STRN3: variants seen among roughly 807,000 people sequenced by gnomAD.
STRN3 encodes striatin 3.
A neutral mutation model predicts 95.6 loss-of-function variants in STRN3; 29 were observed. That is an observed-to-expected ratio of 0.30 (90% confidence interval 0.23 to 0.41). STRN3 has a LOEUF of 0.41. Ranked by LOEUF, STRN3 falls within the 10% of genes least tolerant of loss-of-function variation. STRN3 has a pLI of 1.00. For synonymous variants in STRN3, 331 were observed against 357.6 expected, an observed-to-expected ratio of 0.93 and a Z score of 0.84; for missense variants, 890 against 972.1, an observed-to-expected ratio of 0.92 and a Z score of 1.12.
intron 12 of STRN3, 111 bp from the exon 13 acceptor site, chr14:30,911,273 G>T: frequency 1.5e-5 from 14 of 952,180 alleles, no homozygotes; most frequent in Non-Finnish European, 1.8e-5. Context: ...TGTTTTAAGA[G>T]AACATGTACA....
chr14:30,950,407 G>A (rs929095279), intron 4 of STRN3, among the ~76,000 whole-genome samples: 2 of 152,136 alleles, frequency 1.3e-5, no homozygotes, highest in East Asian at 1.9e-4. Flanking sequence ...ATTTGCCAGA[G>A]AAATATTTCC....
chr14:30,929,979 A>C (rs868350940), intron 7 of STRN3, among the ~76,000 whole-genome samples: 3 of 147,388 alleles, frequency 2.0e-5, no homozygotes, highest in Admixed American at 6.8e-5. Flanking sequence ...AAAAAAAAAA[A>C]CTCAAATTCC....
At chr14:31,006,461 C>T (rs1309331723) in intron 1 of STRN3, among the ~76,000 whole-genome samples, 4 of 151,746 alleles carry the variant, frequency 2.6e-5, no homozygotes, top group East Asian at 1.9e-4. Context: ...TTTGGGAGGC[C>T]GGGGCAGGTG....
chr14:30,979,750 C>T (rs558237933), intron 1 of STRN3, among the ~76,000 whole-genome samples: 1 of 152,096 alleles, frequency 6.6e-6, no homozygotes, highest in East Asian at 2.0e-4. Flanking sequence ...CAGGTGCACA[C>T]CACCACACCC....
chr14:31,000,230 GA>G (rs1882380178), intron 1 of STRN3, among the ~76,000 whole-genome samples: 1 of 107,718 alleles, frequency 9.3e-6, no homozygotes, highest in Non-Finnish European at 1.7e-5. Context: ...AACTACAAAA[GA>G]TAGTATAAAC....
chr14:30,909,672 C>T (rs950668318), intron 13 of STRN3, among the ~76,000 whole-genome samples: 1 of 152,100 alleles, frequency 6.6e-6, no homozygotes, highest in Non-Finnish European at 1.5e-5. Context: ...GACATGAGGT[C>T]TCACTGTGTT....
intron 1 of STRN3, chr14:31,014,664 T>G: frequency 2.2e-6 from 1 of 456,734 alleles, no homozygotes; most frequent in Non-Finnish European, 4.5e-6. Context: ...TGTAATGCTA[T>G]CTCAAGGTAA....
At chr14:30,953,552 C>T (rs1257961664) in intron 3 of STRN3, among the ~76,000 whole-genome samples, 1 of 152,124 alleles carries the variant, frequency 6.6e-6, no homozygotes, top group Non-Finnish European at 1.5e-5. Flanking sequence ...AATAATGATG[C>T]TATGAAAATT....
rs1024507245 is a variant in STRN3 at position 31,018,514 on chromosome 14, C to T, written c.282+7390G>A. ...AGAGCTTCTCTAGGGAACTTGGATG[C>T]GAAACAACTATGGTAAAGGACATCC... On this transcript the variant is annotated intron_variant, in intron 1 of 17. Coordinates refer to ENST00000357479, the MANE Select transcript of STRN3 (RefSeq NM_001083893.2). 2.4e-5 allele frequency: 10 copies of T among 423,206 alleles called. No individual in the cohort carries two copies. In the East Asian group the frequency reaches 3.6e-4, roughly 15 times the overall value. The allele number at this position is 423,206 out of a possible 1,614,324, so 26.2% of individuals were successfully genotyped here. A position where few individuals can be genotyped will look rare whatever the true frequency, so the allele number is the denominator to read the frequency against.
chr14:30,949,727 T>C (rs547967370), intron 4 of STRN3, among the ~76,000 whole-genome samples: 32 of 152,082 alleles, frequency 2.1e-4, no homozygotes, highest in African/African-American at 6.5e-4. Flanking sequence ...GTTAAGGGAA[T>C]TGCCACCTGA....
At chr14:30,976,508 G>C (rs1271228017) in intron 1 of STRN3, among the ~76,000 whole-genome samples, 2 of 138,720 alleles carry the variant, frequency 1.4e-5, no homozygotes, top group Non-Finnish European at 3.2e-5. Context: ...CAACTGAACA[G>C]CATCATCAAT....
intron 1 of STRN3, among the ~76,000 whole-genome samples, chr14:30,983,585 G>T (rs1301202172): frequency 6.6e-6 from 1 of 152,160 alleles, no homozygotes; most frequent in African/African-American, 2.4e-5. Flanking sequence ...GTTTTTTCAT[G>T]TGTAAAGGGA....
intron 5 of STRN3, among the ~76,000 whole-genome samples, chr14:30,946,198 A>G (rs939065516): frequency 3.9e-5 from 6 of 152,218 alleles, no homozygotes; most frequent in African/African-American, 1.4e-4. Flanking sequence ...ACATGAAATC[A>G]GTCTCAAATC....
At chr14:30,961,830 C>T (rs1238668765) in intron 1 of STRN3, among the ~76,000 whole-genome samples, 1 of 152,210 alleles carries the variant, frequency 6.6e-6, no homozygotes, top group East Asian at 1.9e-4. Flanking sequence ...TGGCCTTGAA[C>T]TCCTGGCCTC....
chr14:30,929,220 C>T lies in STRN3; in HGVS notation c.1080G>A (p.Lys360=), dbSNP rs1766437576. ...KLKEQYKKER[K]GKKGVKRANR... ...ACTTACTCTTCACCCCTTTCTTCCCCTTTCGTTCCTTCTTGTACTGTTCCT... is the reference window on the plus strand; with the variant it reads ...ACTTACTCTTCACCCCTTTCTTCCCTTTTCGTTCCTTCTTGTACTGTTCCT... Residue 360 remains lysine, a synonymous_variant, in exon 8 of 18, where the codon AAG becomes AAA. Coordinates refer to ENST00000357479, the MANE Select transcript of STRN3 (RefSeq NM_001083893.2). 3 of 1,609,730 alleles carry T rather than the reference C, an allele frequency of 1.9e-6. No individual in the cohort carries two copies. Among genetic ancestry groups the T allele is most frequent in the East Asian group, 2.3e-5 (1 of 44,436 alleles).
intron 8 of STRN3, among the ~76,000 whole-genome samples, chr14:30,920,720 C>A (rs1253542780): frequency 1.3e-5 from 2 of 152,024 alleles, no homozygotes; most frequent in African/African-American, 4.8e-5. Flanking sequence ...TATCTCCAAG[C>A]TCCATTTACC....
chr14:30,996,228 A>T (rs1363992639), intron 1 of STRN3, among the ~76,000 whole-genome samples: 1 of 152,184 alleles, frequency 6.6e-6, no homozygotes, highest in East Asian at 1.9e-4. Context: ...TCTAAAATAA[A>T]GCACTGGAGT....
chr14:30,921,787 C>G (rs1364014692), intron 8 of STRN3, among the ~76,000 whole-genome samples: 5 of 152,120 alleles, frequency 3.3e-5, no homozygotes, highest in Non-Finnish European at 7.4e-5. Context: ...CCATTAAGCA[C>G]TAATTAAATA....
chr14:30,951,018 G>A (rs1393899501), intron 3 of STRN3, 74 bp from the exon 4 acceptor site: 1 of 1,289,104 alleles, frequency 7.8e-7, no homozygotes, highest in African/African-American at 1.5e-5. Flanking sequence ...TTTTCTTAGG[G>A]ATAAATTCCC....
Sources: allele counts gnomAD v4.1 joint callset (sites outside exome capture counted in the v4.1 genomes callset), GRCh38; gene constraint gnomAD v4.1.1; transcripts MANE v1.5; gene names NCBI Gene and HGNC (gene_info 2026-07-23, HGNC 2026-07-21).